TMEM41B: variants seen among roughly 807,000 people sequenced by gnomAD.
TMEM41B encodes transmembrane protein 41B.
Under a neutral mutation model 31.9 loss-of-function variants are expected in TMEM41B, and 18 were observed. The ratio of observed to expected loss-of-function variants is 0.56; its 90% CI spans 0.39 to 0.84. The LOEUF is 0.84. Ranked by LOEUF, TMEM41B falls within the 40% of genes least tolerant of loss-of-function variation. The pLI is 0.00. For missense variants in TMEM41B, 322 were observed against 348.0 expected, an observed-to-expected ratio of 0.93 and a Z score of 0.59; for synonymous variants, 144 against 124.3, an observed-to-expected ratio of 1.16 and a Z score of -1.05.
Position 9,314,404 on chromosome 11 carries a change from C to T in TMEM41B, c.38G>A (p.Gly13Asp). 14 of 1,568,346 alleles carry T rather than the reference C, an allele frequency of 8.9e-6. No individual in the cohort carries two copies. Among genetic ancestry groups the T allele is most frequent in the Non-Finnish European group, 1.2e-5 (14 of 1,156,730 alleles). ...KGRVAERSQL[G>D]AHHTTPVGDG... ...CCCCACGGGGGTCGTGTGGTGAGCG[C>T]CCAACTGCGATCGTTCGGCGACTCT... The change falls in exon 1 of 7, where the codon GGC becomes GAC. Residue 13 changes from glycine (G) to aspartate (D), a missense_variant. Transcript: ENST00000528080.
chr11:9,309,952 T>A (rs1564969175), intron 1 of TMEM41B, among the ~76,000 whole-genome samples: 1 of 150,236 alleles, frequency 6.7e-6, no homozygotes, highest in Non-Finnish European at 1.5e-5. Context: ...CAAAAAAAAA[T>A]ATTGTTTTCT....
intron 2 of TMEM41B, among the ~76,000 whole-genome samples, chr11:9,297,644 T>C (rs1053804154): frequency 2.6e-5 from 4 of 151,876 alleles, no homozygotes; most frequent in South Asian, 2.1e-4. Flanking sequence ...TAAGCCAAGA[T>C]TGCACCACGG....
chr11:9,310,679 TAACCAGGAGAAATAAC>T (rs1564969561), intron 1 of TMEM41B, among the ~76,000 whole-genome samples: 1 of 96,980 alleles, frequency 1.0e-5, no homozygotes. Context: ...TTTTTTTTTT[TAACCAGGAGAAATAAC>T]TTTATTTGGA....
intron 1 of TMEM41B, among the ~76,000 whole-genome samples, chr11:9,309,306 T>G (rs1042093779): frequency 4.6e-5 from 7 of 152,030 alleles, no homozygotes; most frequent in African/African-American, 1.7e-4. Flanking sequence ...GGCTCCAGCC[T>G]GATGCCACCA....
chr11:9,301,463 T>C (rs896231135), intron 1 of TMEM41B, among the ~76,000 whole-genome samples: 4 of 152,254 alleles, frequency 2.6e-5, no homozygotes, highest in Non-Finnish European at 5.9e-5. Context: ...CACGCGTTTA[T>C]GAAGTATCCT....
At chr11:9,292,162 T>C (rs1050777897) in intron 3 of TMEM41B, among the ~76,000 whole-genome samples, 2 of 152,248 alleles carry the variant, frequency 1.3e-5, no homozygotes, top group African/African-American at 4.8e-5. Flanking sequence ...TTATTTTTTC[T>C]TTCTTTCAAT....
intron 6 of TMEM41B, among the ~76,000 whole-genome samples, 185 bp downstream of exon 6, chr11:9,286,270 T>A (rs1013992315): frequency 2.6e-5 from 4 of 152,114 alleles, no homozygotes; most frequent in Non-Finnish European, 4.4e-5. Flanking sequence ...GACACAAAAA[T>A]AACCTAAATC....
rs1853640066 is a variant in TMEM41B at position 9,314,384 on chromosome 11, C to T, written c.58G>A (p.Val20Met). ...CGCGTCCCCGCTGCCCCGTCCCCCA[C>T]GGGGGTCGTGTGGTGAGCGCCCAAC... ...SQLGAHHTTPVGDGAAGTRGL... is the reference protein window; with the variant it reads ...SQLGAHHTTPMGDGAAGTRGL... Residue 20 changes from valine to methionine, a missense_variant, in exon 1 of 7, where the codon GTG (valine) becomes ATG (methionine). Around this residue, in one of 3 missense-constraint regions of TMEM41B, gnomAD observed 183 missense variants for 175.3 expected, o/e 1.04. Coordinates refer to ENST00000528080, the MANE Select transcript of TMEM41B (RefSeq NM_015012.4). The T allele has an allele frequency of 6.3e-7, 1 of 1,576,550 alleles. No homozygotes were observed. The highest frequency in any genetic ancestry group is 8.6e-7 in the Non-Finnish European group (1 of 1,161,652).
chr11:9,293,736 C>A (rs774256891), intron 3 of TMEM41B, among the ~76,000 whole-genome samples: 2 of 152,068 alleles, frequency 1.3e-5, no homozygotes, highest in African/African-American at 2.4e-5. Flanking sequence ...CATGCAATCA[C>A]CACGCCCAGC....
Position 9,314,510 on chromosome 11 carries a change from C to T in TMEM41B, c.-69G>A, listed in dbSNP as rs550084296. 2.0e-4 allele frequency: 295 copies of T among 1,480,300 alleles called. No individual in the cohort carries two copies. In the African/African-American group the frequency reaches 4.0e-3, roughly 20 times the overall value. 91.7% of individuals were successfully genotyped at this position (1,480,300 alleles called of 1,614,324 possible). Reference sequence around the variant, plus strand: ...AAACAACAAAACTCTGTTGCAGGCTCCTTACTACGCCGAAGCGCCACGGCT... The same window carrying T: ...AAACAACAAAACTCTGTTGCAGGCTTCTTACTACGCCGAAGCGCCACGGCT... On this transcript the variant is annotated 5_prime_UTR_variant, in exon 1 of 7. Transcript: ENST00000528080.
intron 1 of TMEM41B, among the ~76,000 whole-genome samples, chr11:9,310,945 C>T (rs1442591589): frequency 6.6e-6 from 1 of 151,966 alleles, no homozygotes; most frequent in African/African-American, 2.4e-5. Context: ...TTCCACAATC[C>T]TCCCCAATCA....
In TMEM41B at chr11:9,298,775, GAA is replaced by G. The variant is rs35116259; in HGVS notation, c.239+807_239+808del. Among the ~76,000 whole-genome samples the G allele has an allele frequency of 1.6e-3, 227 of 143,868 alleles. 1 individual carries two copies. The highest frequency in any genetic ancestry group is 3.7e-3 in the African/African-American group (144 of 38,772). The allele number at this position is 143,868 out of a possible 152,430, so 94.4% of individuals were successfully genotyped here. On this transcript the variant is annotated intron_variant, in intron 2 of 6. Transcript: ENST00000528080. ...ATAGAGTGAAACTATCTCAAATGAA[GAA>G]AAAAAAAAAAAAATTGTGAAGGAAG...
At chr11:9,293,047 C>T (rs1191526650) in intron 3 of TMEM41B, among the ~76,000 whole-genome samples, 2 of 152,120 alleles carry the variant, frequency 1.3e-5, no homozygotes, top group African/African-American at 4.8e-5. Flanking sequence ...TCAAGTCAAA[C>T]CTACGCTAAG....
In TMEM41B at chr11:9,299,667, C is replaced by T. The variant is rs558167828; in HGVS notation, c.156G>A (p.Met52Ile). 1 of 1,612,968 alleles carries T rather than the reference C, an allele frequency of 6.2e-7. No individual in the cohort carries two copies. The highest frequency in any genetic ancestry group is 8.5e-7 in the Non-Finnish European group (1 of 1,179,776). The change falls in exon 2 of 7, where the codon ATG becomes ATA. Residue 52 changes from methionine (M) to isoleucine (I), a missense_variant. Coordinates refer to ENST00000528080, the MANE Select transcript of TMEM41B (RefSeq NM_015012.4). ...AAATGGACACCAATATAAGGAGTGA[C>T]ATTCTTGCTGATCCAGCTTCTACCC... ...KSWVEAGSAR[M>I]SLLILVSIFL...
At chr11:9,289,071 A>G (rs997365819) in intron 3 of TMEM41B, among the ~76,000 whole-genome samples, 1 of 152,194 alleles carries the variant, frequency 6.6e-6, no homozygotes, top group South Asian at 2.1e-4. Context: ...TGGCGCACTC[A>G]TGGCTCACTG....
intron 1 of TMEM41B, 116 bp downstream of exon 1, chr11:9,314,205 C>T (rs879376083): frequency 5.9e-5 from 78 of 1,321,996 alleles, no homozygotes; most frequent in Non-Finnish European, 6.9e-5. Flanking sequence ...CCCGCCGCGG[C>T]GCCAGCAGGC....
At chr11:9,306,642 C>T (rs1321203185) in intron 1 of TMEM41B, among the ~76,000 whole-genome samples, 3 of 151,858 alleles carry the variant, frequency 2.0e-5, no homozygotes, top group Non-Finnish European at 2.9e-5. Context: ...GCTGAGATGG[C>T]GCCACCGCAC....
At chr11:9,285,800 A>G (rs1351791911) in intron 6 of TMEM41B, among the ~76,000 whole-genome samples, 3 of 151,554 alleles carry the variant, frequency 2.0e-5, no homozygotes, top group Admixed American at 6.6e-5. Flanking sequence ...TATTTTGCCA[A>G]AGCAACATTT....
intron 2 of TMEM41B, among the ~76,000 whole-genome samples, chr11:9,297,654 G>A (rs560666810): frequency 6.6e-5 from 10 of 151,962 alleles, no homozygotes; most frequent in Non-Finnish European, 1.2e-4. Flanking sequence ...TTGCACCACG[G>A]CACTCCAGCC....
Sources: gnomAD v4.1 joint callset for allele counts (sites outside exome capture counted in the v4.1 genomes callset) on GRCh38, gnomAD v4.1.1 for gene constraint, gnomAD v4.1.1 regional missense constraint, MANE v1.5 for transcripts, NCBI Gene and HGNC (gene_info 2026-07-23, HGNC 2026-07-21) for gene names.